OPCML: variants seen among roughly 807,000 people sequenced by gnomAD.
The protein encoded by OPCML is opioid binding protein/cell adhesion molecule like.
Under a neutral mutation model 37.8 loss-of-function variants are expected in OPCML, and 13 were observed. That is an observed-to-expected ratio of 0.34 (90% CI 0.22 to 0.55). The LOEUF (loss-of-function observed/expected upper bound fraction) is 0.55, where lower values mean the gene tolerates loss of function less well. Ranked by LOEUF, OPCML falls within the 20% of genes least tolerant of loss-of-function variation. OPCML has a pLI of 0.91. For missense variants in OPCML, 341 were observed against 435.6 expected (o/e 0.78, Z 1.93); for synonymous variants, 176 against 168.8 (o/e 1.04, Z -0.33).
chr11:132,651,044 C>A (rs1386360582), intron 3 of OPCML, among the ~76,000 whole-genome samples: 2 of 152,296 alleles, frequency 1.3e-5, no homozygotes, highest in East Asian at 3.9e-4. Context: ...CCTCCCTGGG[C>A]CTGCTGCAAC....
intron 4 of OPCML, 71 bp downstream of exon 4, chr11:132,528,990 G>T: frequency 1.2e-6 from 1 of 843,054 alleles, no homozygotes; most frequent in Non-Finnish European, 1.9e-6. Flanking sequence ...GATTCCTGAA[G>T]CTCTGTTGTG....
intron 2 of OPCML, among the ~76,000 whole-genome samples, chr11:132,923,079 A>AAATAAATAAAT (rs1565967277): frequency 8.9e-5 from 13 of 146,008 alleles, no homozygotes; most frequent in African/African-American, 3.4e-4. Context: ...GTCTCAGAAA[A>AAATAAATAAAT]AAATAAATAA....
chr11:132,516,450 G>A (rs989196739), intron 4 of OPCML, among the ~76,000 whole-genome samples: 9 of 151,968 alleles, frequency 5.9e-5, no homozygotes, highest in Non-Finnish European at 8.8e-5. Flanking sequence ...ATCGATATAC[G>A]ATGGATACAT....
intron 1 of OPCML, among the ~76,000 whole-genome samples, chr11:133,043,749 A>G (rs565038155): frequency 3.0e-4 from 45 of 152,322 alleles, no homozygotes; most frequent in Admixed American, 2.4e-3. Flanking sequence ...CAGGAAAAAA[A>G]GGGGGACAGA....
chr11:133,098,213 CTTT>C (rs749902124), intron 1 of OPCML, among the ~76,000 whole-genome samples: 3 of 133,698 alleles, frequency 2.2e-5, no homozygotes, highest in Admixed American at 1.5e-4. Flanking sequence ...GCTGGTTAAA[CTTT>C]TTTTTTTTTT....
Position 133,054,846 on chromosome 11 carries a change from A to G in OPCML, c.62-111836T>C, listed in dbSNP as rs1948195396. ...TCCAAGTGGTGAGACCCCATGAAGG[A>G]GCCACCTCTACTGTACAATGCTGCC... is the stretch of plus-strand genomic sequence containing the variant. On this transcript the variant is annotated intron_variant, in intron 1 of 7. Coordinates refer to ENST00000524381, the MANE Select transcript of OPCML (RefSeq NM_001012393.5). Among the ~76,000 whole-genome samples, 4 of 151,930 alleles carry G rather than the reference A, an allele frequency of 2.6e-5. No individual in the cohort carries two copies. The South Asian group carries it at 8.3e-4, about 32-fold the overall frequency.
chr11:133,496,877 T>C (rs989810130), intron 1 of OPCML, among the ~76,000 whole-genome samples: 7 of 152,308 alleles, frequency 4.6e-5, no homozygotes, highest in African/African-American at 1.7e-4. Context: ...CTTTACCAAT[T>C]TGGATGGCCT....
At chr11:132,717,808 AT>A (rs1368819163) in intron 2 of OPCML, among the ~76,000 whole-genome samples, 2 of 152,160 alleles carry the variant, frequency 1.3e-5, no homozygotes, top group East Asian at 1.9e-4. Flanking sequence ...CACAGTTTTA[AT>A]TTTGGAAGTC....
At chr11:133,339,047 C>T (rs531153923) in intron 1 of OPCML, among the ~76,000 whole-genome samples, 42 of 152,300 alleles carry the variant, frequency 2.8e-4, no homozygotes, top group African/African-American at 9.6e-4. Context: ...CCTGTCACAC[C>T]AGCATCAGGA....
intron 1 of OPCML, among the ~76,000 whole-genome samples, chr11:133,119,555 A>G (rs963105592): frequency 5.3e-5 from 8 of 152,118 alleles, no homozygotes; most frequent in Non-Finnish European, 1.0e-4. Flanking sequence ...TTGAATATAA[A>G]CAAAACCCTC....
chr11:132,780,165 G>C lies in OPCML; in HGVS notation c.147-122846C>G, dbSNP rs75155512. ...ACCATGGAGCTCAGTCAACAATAAAGGGTCATGCACTTCTCCTGACCCTCT... is the reference window on the plus strand; with the variant it reads ...ACCATGGAGCTCAGTCAACAATAAACGGTCATGCACTTCTCCTGACCCTCT... On this transcript the variant is annotated intron_variant, in intron 2 of 7. Transcript: ENST00000524381. 1.7e-3 allele frequency among the ~76,000 whole-genome samples: 262 copies of C among 152,292 alleles called. 1 individual carries two copies. The highest frequency in any genetic ancestry group is 6.1e-3 in the African/African-American group (252 of 41,558).
intron 2 of OPCML, among the ~76,000 whole-genome samples, chr11:132,729,280 T>A (rs1404185847): frequency 6.6e-6 from 1 of 152,200 alleles, no homozygotes; most frequent in Non-Finnish European, 1.5e-5. Context: ...AGGCAGCTTT[T>A]TTTAAAGCCC....
chr11:133,485,612 C>G lies in OPCML; in HGVS notation c.61+46652G>C, dbSNP rs115777645. On this transcript the variant is annotated intron_variant, in intron 1 of 7. Coordinates refer to ENST00000524381, the MANE Select transcript of OPCML (RefSeq NM_001012393.5). ...GCAAACTGAAATAAGACCTGCATTA[C>G]CACATCAGAGCTTGCAGCAAAACAT... Among the ~76,000 whole-genome samples, 442 of 152,298 alleles carry G rather than the reference C, an allele frequency of 2.9e-3. 3 individuals are homozygous for G. Among genetic ancestry groups the G allele is most frequent in the African/African-American group, 0.01 (417 of 41,572 alleles).
intron 1 of OPCML, among the ~76,000 whole-genome samples, chr11:133,220,382 A>G (rs1008179560): frequency 1.3e-5 from 2 of 152,214 alleles, no homozygotes; most frequent in Non-Finnish European, 2.9e-5. Flanking sequence ...AGATGAGGGC[A>G]CAGGTTCTCA....
intron 2 of OPCML, among the ~76,000 whole-genome samples, chr11:132,678,713 TA>T (rs1418758833): frequency 6.6e-6 from 1 of 152,166 alleles, no homozygotes. Flanking sequence ...CATCAGTGGC[TA>T]TTAGGGGTTG....
chr11:132,721,615 T>C (rs1447962762), intron 2 of OPCML, among the ~76,000 whole-genome samples: 1 of 152,086 alleles, frequency 6.6e-6, no homozygotes, highest in Non-Finnish European at 1.5e-5. Flanking sequence ...AAGATTACTC[T>C]GGTGAGAGGA....
At chr11:133,111,669 T>C (rs1391179947) in intron 1 of OPCML, among the ~76,000 whole-genome samples, 1 of 152,190 alleles carries the variant, frequency 6.6e-6, no homozygotes, top group Admixed American at 6.5e-5. Context: ...AGGAAAACAA[T>C]GAACTTTGGT....
intron 1 of OPCML, among the ~76,000 whole-genome samples, chr11:132,963,768 ATT>A: frequency 7.0e-6 from 1 of 142,966 alleles, no homozygotes; most frequent in Admixed American, 7.4e-5. Context: ...TATTATTATT[ATT>A]AATTGTTGCT....
intron 1 of OPCML, among the ~76,000 whole-genome samples, chr11:133,490,838 G>T (rs1164678150): frequency 6.6e-6 from 1 of 152,094 alleles, no homozygotes; most frequent in Non-Finnish European, 1.5e-5. Context: ...TCTTTAAAAT[G>T]TCATCTTCCT....
Sources: gnomAD v4.1 joint callset for allele counts (sites outside exome capture counted in the v4.1 genomes callset) on GRCh38, gnomAD v4.1.1 for gene constraint, MANE v1.5 for transcripts, NCBI Gene and HGNC (gene_info 2026-07-23, HGNC 2026-07-21) for gene names.